STARD13: variants seen among roughly 807,000 people sequenced by gnomAD.
STARD13 encodes the protein StAR related lipid transfer domain containing 13.
A neutral mutation model predicts 106.4 loss-of-function variants in STARD13; 62 were observed. The observed-to-expected ratio is 0.58, with a 90% confidence interval of 0.48 to 0.72. The LOEUF is 0.72. Ranked by LOEUF, STARD13 falls within the 30% of genes least tolerant of loss-of-function variation. The probability of loss-of-function intolerance (pLI) is 0.00; values close to 1 mark genes in which losing one functional copy is unlikely to be tolerated. For synonymous variants in STARD13, 565 were observed against 553.0 expected, an observed-to-expected ratio of 1.02 and a Z score of -0.31; for missense variants, 1,387 against 1,424.0, an observed-to-expected ratio of 0.97 and a Z score of 0.42.
chr13:33,424,085 A>C, the STARD13 span, among the ~76,000 whole-genome samples: 1 of 152,186 alleles, frequency 6.6e-6, no homozygotes, highest in Non-Finnish European at 1.5e-5. Context: ...CTAGTACTTA[A>C]AGTATAATAA....
intron 3 of STARD13, among the ~76,000 whole-genome samples, chr13:33,145,021 T>C (rs1322397782): frequency 6.6e-6 from 1 of 152,240 alleles, no homozygotes; most frequent in Non-Finnish European, 1.5e-5. Context: ...AGACTCTAAG[T>C]AGATTTGACT....
intron 3 of STARD13, among the ~76,000 whole-genome samples, chr13:33,149,273 T>C (rs1880952028): frequency 6.6e-6 from 1 of 151,886 alleles, no homozygotes; most frequent in Admixed American, 6.6e-5. Flanking sequence ...ATGTTGATAG[T>C]GAGTGGGCGG....
upstream of STARD13, among the ~76,000 whole-genome samples, chr13:33,287,510 T>C (rs1208595264): frequency 6.6e-6 from 1 of 152,204 alleles, no homozygotes; most frequent in Non-Finnish European, 1.5e-5. Context: ...TCCATTCTTA[T>C]TTAGGATTTG....
At chr13:33,188,471 T>G (rs1043276056) in intron 1 of STARD13, among the ~76,000 whole-genome samples, 4 of 152,114 alleles carry the variant, frequency 2.6e-5, no homozygotes, top group Non-Finnish European at 4.4e-5. Flanking sequence ...GGTTATGATC[T>G]GCTGCTACAC....
At chr13:33,344,206 C>T (rs2077994652), downstream of STARD13, among the ~76,000 whole-genome samples, 2 of 152,148 alleles carry the variant, frequency 1.3e-5, no homozygotes, top group Admixed American at 6.5e-5. Context: ...TTCTGAAAGG[C>T]TCCAAATGAG....
the STARD13 span, among the ~76,000 whole-genome samples, chr13:33,493,979 A>G: frequency 1.3e-5 from 2 of 152,190 alleles, no homozygotes; most frequent in African/African-American, 4.8e-5. Flanking sequence ...CTCATCAGAC[A>G]GAGTAGTAAA....
At chr13:33,585,197 A>G in the STARD13 span, among the ~76,000 whole-genome samples, 1 of 152,240 alleles carries the variant, frequency 6.6e-6, no homozygotes, top group East Asian at 1.9e-4. Flanking sequence ...AAATGGTACA[A>G]TCACTATGGA....
At chr13:33,281,262 C>G (rs988497082) in intron 1 of STARD13, 2 of 152,154 alleles carry the variant, frequency 1.3e-5, no homozygotes, top group Non-Finnish European at 2.9e-5. Flanking sequence ...TCTCCTTATC[C>G]TACTTCAGTG....
rs908621874 is a variant in STARD13, at chr13:33,188,441, T to A, written c.170-20819A>T. Among the ~76,000 whole-genome samples the A allele has an allele frequency of 1.1e-4, 16 of 152,146 alleles. 1 individual carries two copies. Among genetic ancestry groups the A allele is most frequent in the Admixed American group, 3.3e-4 (5 of 15,266 alleles). On this transcript the variant is annotated intron_variant, in intron 1 of 13. Transcript: ENST00000336934. ...AAAAATTAAAATGGACACAGAGAGT[T>A]AATTCTGAGAAAAATTTCTGGTTAT...
the STARD13 span, among the ~76,000 whole-genome samples, chr13:33,368,732 C>G: frequency 6.6e-6 from 1 of 152,112 alleles, no homozygotes; most frequent in African/African-American, 2.4e-5. Flanking sequence ...TGGACAGAAA[C>G]AAGGTGGTGG....
At chr13:33,436,815 G>A in the STARD13 span, among the ~76,000 whole-genome samples, 1 of 151,962 alleles carries the variant, frequency 6.6e-6, no homozygotes, top group East Asian at 1.9e-4. Context: ...CTTTTACTTT[G>A]GGTTTCACAT....
chr13:33,361,189 G>C, the STARD13 span, among the ~76,000 whole-genome samples: 2 of 150,898 alleles, frequency 1.3e-5, no homozygotes, highest in African/African-American at 4.9e-5. Context: ...CTCCGAGACA[G>C]CAAGACCAAC....
chr13:33,469,027 T>C, the STARD13 span, among the ~76,000 whole-genome samples: 1 of 152,162 alleles, frequency 6.6e-6, no homozygotes, highest in African/African-American at 2.4e-5. Flanking sequence ...CTCAAACTAT[T>C]GTAGTTGTGT....
chr13:33,609,258 AAC>A, the STARD13 span, among the ~76,000 whole-genome samples: 1 of 152,184 alleles, frequency 6.6e-6, no homozygotes, highest in African/African-American at 2.4e-5. Context: ...ACTCTGCAAT[AAC>A]ACAATAGAAA....
intron 10 of STARD13, 75 bp downstream of exon 10, chr13:33,111,703 T>A: frequency 2.3e-6 from 2 of 879,168 alleles, no homozygotes; most frequent in Non-Finnish European, 3.8e-6. Context: ...AAACCATAAA[T>A]GTAGCAACAA....
At chr13:33,272,481 A>T (rs1488968916) in intron 1 of STARD13, 1 of 152,224 alleles carries the variant, frequency 6.6e-6, no homozygotes, top group Admixed American at 6.5e-5. Context: ...TCAAATGACC[A>T]ATCCAGACCC....
chr13:33,347,845 A>G (rs2078033843), downstream of STARD13, among the ~76,000 whole-genome samples: 1 of 152,194 alleles, frequency 6.6e-6, no homozygotes, highest in Non-Finnish European at 1.5e-5. Context: ...TGTGAACTGA[A>G]CCATACAAAG....
chr13:33,260,792 T>A (rs1890601677), intron 1 of STARD13, among the ~76,000 whole-genome samples: 1 of 152,252 alleles, frequency 6.6e-6, no homozygotes, highest in Non-Finnish European at 1.5e-5. Context: ...TGTAGTGTAA[T>A]ATCTTAATAA....
At chr13:33,456,337 G>A in the STARD13 span, among the ~76,000 whole-genome samples, 1 of 152,092 alleles carries the variant, frequency 6.6e-6, no homozygotes, top group African/African-American at 2.4e-5. Flanking sequence ...TTACAGGCGT[G>A]AGCCACCATG....
Sources: allele counts gnomAD v4.1 joint callset (sites outside exome capture counted in the v4.1 genomes callset), GRCh38; gene constraint gnomAD v4.1.1; transcripts MANE v1.5; gene names NCBI Gene and HGNC (gene_info 2026-07-23, HGNC 2026-07-21).